The following TASP1 variants were observed in gnomAD, a reference collection of about 807,000 sequenced individuals.
TASP1 encodes taspase 1.
Under a neutral mutation model 56.6 loss-of-function variants are expected in TASP1, and 16 were observed. That is an observed-to-expected ratio of 0.28 (90% CI 0.19 to 0.43). TASP1 has a LOEUF of 0.43. TASP1 is among the 20% of genes least tolerant of loss of function. The pLI, the probability that TASP1 is intolerant of heterozygous loss-of-function variation, is 1.00. For synonymous variants in TASP1, 179 were observed against 184.2 expected (o/e 0.97, Z 0.23); for missense variants, 393 against 511.6 (o/e 0.77, Z 2.24).
At chr20:13,363,091 G>A in the TASP1 span, among the ~76,000 whole-genome samples, 3 of 151,944 alleles carry the variant, frequency 2.0e-5, no homozygotes, top group African/African-American at 7.3e-5. Flanking sequence ...GGAGTAGCTG[G>A]CACAGAGCTC....
chr20:13,160,451 G>C, the TASP1 span, among the ~76,000 whole-genome samples: 1 of 152,100 alleles, frequency 6.6e-6, no homozygotes, highest in African/African-American at 2.4e-5. Context: ...TGCTGTTTTA[G>C]ACTTAATTAC....
chr20:13,289,861 C>A, the TASP1 span, among the ~76,000 whole-genome samples: 1 of 152,116 alleles, frequency 6.6e-6, no homozygotes, highest in Admixed American at 6.5e-5. Context: ...TTCAAGAAAC[C>A]ACACATTCCA....
At chr20:13,110,774 C>A in the TASP1 span, among the ~76,000 whole-genome samples, 1 of 152,082 alleles carries the variant, frequency 6.6e-6, no homozygotes, top group South Asian at 2.1e-4. Context: ...AGTCCATAAG[C>A]CAAGGAGACA....
intron 10 of TASP1, among the ~76,000 whole-genome samples, chr20:13,489,982 G>A (rs1308279205): frequency 1.3e-5 from 2 of 152,120 alleles, no homozygotes; most frequent in African/African-American, 2.4e-5. Flanking sequence ...GCTCTTTGCT[G>A]GTGATTGAAA....
chr20:13,110,053 TGGAAAA>T, the TASP1 span: 13 of 1,424,486 alleles, frequency 9.1e-6, no homozygotes, highest in Admixed American at 2.2e-5. Context: ...AAAAAGAAAG[TGGAAAA>T]GGAAAAGTAA....
intron 1 of TASP1, among the ~76,000 whole-genome samples, chr20:13,632,382 AAAAAGAAAAAAAG>A (rs1392227558): frequency 2.6e-5 from 4 of 151,796 alleles, no homozygotes; most frequent in Non-Finnish European, 4.4e-5. Flanking sequence ...AAAAAAAAGA[AAAAAGAAAAAAAG>A]AAAAGAAAAG....
downstream of TASP1, among the ~76,000 whole-genome samples, chr20:13,385,716 C>T (rs1702194657): frequency 6.6e-6 from 1 of 152,168 alleles, no homozygotes; most frequent in Non-Finnish European, 1.5e-5. Flanking sequence ...GGGGAGAAAG[C>T]CAACACAAGG....
the TASP1 span, among the ~76,000 whole-genome samples, chr20:13,325,946 C>T: frequency 6.6e-6 from 1 of 152,138 alleles, no homozygotes; most frequent in Admixed American, 6.5e-5. Context: ...AGAGGTAGTC[C>T]TATCTTACCA....
intron 4 of TASP1, among the ~76,000 whole-genome samples, chr20:13,588,231 GAGAAAGAA>G (rs1264885888): frequency 7.7e-6 from 1 of 130,328 alleles, no homozygotes; most frequent in African/African-American, 2.9e-5. Flanking sequence ...AGACAAAAAG[GAGAAAGAA>G]AGAAAGGAAG....
chr20:13,156,041 C>A, the TASP1 span, among the ~76,000 whole-genome samples: 1 of 152,092 alleles, frequency 6.6e-6, no homozygotes. Context: ...CTTTAACCAT[C>A]TGATTTTTGA....
At chr20:13,155,891 C>T in the TASP1 span, among the ~76,000 whole-genome samples, 1 of 152,096 alleles carries the variant, frequency 6.6e-6, no homozygotes, top group Non-Finnish European at 1.5e-5. Flanking sequence ...GCCCTTTGTT[C>T]ACAGATCTGG....
chr20:13,212,060 G>A, the TASP1 span, among the ~76,000 whole-genome samples: 1 of 152,104 alleles, frequency 6.6e-6, no homozygotes, highest in Non-Finnish European at 1.5e-5. Context: ...ATTCTATGTG[G>A]AAACAGCATT....
At chr20:13,339,370 C>T in the TASP1 span, among the ~76,000 whole-genome samples, 32 of 152,308 alleles carry the variant, frequency 2.1e-4, no homozygotes, top group East Asian at 1.2e-3. Context: ...GTGAGGACAA[C>T]GCCAGCTAAT....
At chr20:13,417,018 G>A (rs1187172622) in intron 13 of TASP1, among the ~76,000 whole-genome samples, 1 of 152,220 alleles carries the variant, frequency 6.6e-6, no homozygotes, top group African/African-American at 2.4e-5. Flanking sequence ...AGCCACCTGT[G>A]CCATCAAACA....
At chr20:13,311,508 T>C in the TASP1 span, among the ~76,000 whole-genome samples, 11 of 152,224 alleles carry the variant, frequency 7.2e-5, no homozygotes, top group Non-Finnish European at 1.2e-4. Context: ...ATGATTATAC[T>C]CAATAGCTGA....
chr20:13,622,191 TC>T (rs2048740450), intron 4 of TASP1, among the ~76,000 whole-genome samples: 1 of 152,212 alleles, frequency 6.6e-6, no homozygotes, highest in East Asian at 1.9e-4. Flanking sequence ...TAAGAGACTG[TC>T]ATGTATTAGG....
At chr20:13,418,483 C>T (rs963765695) in intron 12 of TASP1, among the ~76,000 whole-genome samples, 1 of 152,124 alleles carries the variant, frequency 6.6e-6, no homozygotes, top group Non-Finnish European at 1.5e-5. Context: ...CCAGTGAGCC[C>T]ATACTGATCC....
chr20:13,131,143 G>C, the TASP1 span, among the ~76,000 whole-genome samples: 1 of 152,066 alleles, frequency 6.6e-6, no homozygotes, highest in Non-Finnish European at 1.5e-5. Flanking sequence ...AGAAAGCATT[G>C]TCAAAAATCA....
the TASP1 span, among the ~76,000 whole-genome samples, chr20:13,281,193 G>GCATAGTCTGTCCCCAGAACAGATCTCAC: frequency 6.6e-6 from 1 of 152,174 alleles, no homozygotes; most frequent in Non-Finnish European, 1.5e-5. Flanking sequence ...AATGAGCAAG[G>GCATAGTCTGTCCCCAGAACAGATCTCAC]CATAGTCTGT....
Sources: allele counts gnomAD v4.1 joint callset (sites outside exome capture counted in the v4.1 genomes callset), GRCh38; gene constraint gnomAD v4.1.1; transcripts MANE v1.5; gene names NCBI Gene and HGNC (gene_info 2026-07-23, HGNC 2026-07-21).